KLHL14: variants seen among roughly 807,000 people sequenced by gnomAD.
KLHL14 encodes kelch-like protein 14.
Under a neutral mutation model 64.3 loss-of-function variants are expected in KLHL14, and 22 were observed. That is an observed-to-expected ratio of 0.34 (90% CI 0.24 to 0.49). The LOEUF (loss-of-function observed/expected upper bound fraction) is 0.49, where lower values mean the gene tolerates loss of function less well. Among genes scored for constraint, KLHL14 ranks in the 20% least tolerant of loss-of-function variants. KLHL14 has a pLI of 0.99. For missense variants in KLHL14, 661 were observed against 789.0 expected (o/e 0.84, Z 1.94); for synonymous variants, 322 against 333.4 (o/e 0.97, Z 0.37).
At chr18:32,768,051 G>A (rs1360932764) in intron 2 of KLHL14, among the ~76,000 whole-genome samples, 3 of 152,142 alleles carry the variant, frequency 2.0e-5, no homozygotes, top group Admixed American at 1.3e-4. Flanking sequence ...ATCACACTGA[G>A]TTTGCCATTT....
chr18:32,759,327 C>T (rs1329345949), intron 2 of KLHL14, among the ~76,000 whole-genome samples: 4 of 152,090 alleles, frequency 2.6e-5, no homozygotes, highest in Admixed American at 2.0e-4. Context: ...TCAATACTCA[C>T]GTTGTGGAAA....
chr18:32,767,710 A>T (rs112020802), intron 2 of KLHL14, among the ~76,000 whole-genome samples: 1 of 152,172 alleles, frequency 6.6e-6, no homozygotes, highest in African/African-American at 2.4e-5. Flanking sequence ...TTGAAAGTCA[A>T]CTCTTCTAAC....
At chr18:32,719,828 C>T (rs943193460) in intron 3 of KLHL14, among the ~76,000 whole-genome samples, 2 of 152,190 alleles carry the variant, frequency 1.3e-5, no homozygotes, top group Non-Finnish European at 2.9e-5. Flanking sequence ...TCAGAGGTGG[C>T]TCAGGAGTTA....
chr18:32,719,197 C>T (rs2050062739), intron 3 of KLHL14, among the ~76,000 whole-genome samples: 1 of 152,238 alleles, frequency 6.6e-6, no homozygotes, highest in Non-Finnish European at 1.5e-5. Flanking sequence ...ATCCGCCCAC[C>T]TTGGCCTCCC....
At position 32,695,511 on chromosome 18, in the gene KLHL14, C is replaced by T; in HGVS notation, c.1111G>A (p.Glu371Lys). The T allele has an allele frequency of 6.2e-7, 1 of 1,613,134 alleles. No individual in the cohort carries two copies. The highest frequency in any genetic ancestry group is 1.1e-5 in the South Asian group (1 of 91,030). ...NSAHHCVVEV[E>K]NFLFVLGGED... The stretch of plus-strand genomic sequence containing the variant: ...CCACCCAACACGAACAAGAAGTTTT[C>T]CACCTCCACAACGCAGTGGTGGGCA... The change falls in exon 4 of 9, where the codon GAA (glutamate) becomes AAA (lysine). Residue 371 changes from glutamate to lysine, a missense_variant. By Grantham distance (56) the Glu-to-Lys change is moderately conservative. Transcript: ENST00000359358.
At chr18:32,752,798 T>TGAGACGGAGTCTCGC (rs1371481799) in intron 2 of KLHL14, among the ~76,000 whole-genome samples, 1 of 149,516 alleles carries the variant, frequency 6.7e-6, no homozygotes, top group African/African-American at 2.5e-5. Flanking sequence ...TTTTTTTTTT[T>TGAGACGGAGTCTCGC]TTTGAGACGG....
Position 32,677,160 on chromosome 18 carries a change from T to C in KLHL14, c.1746+13A>G. The C allele has an allele frequency of 6.2e-7, 1 of 1,606,048 alleles. No homozygotes were observed. On this transcript the variant is annotated intron_variant, in intron 8 of 8. Transcript: ENST00000359358. The stretch of plus-strand genomic sequence containing the variant: ...ACGAAATAAAGGAGGATGCAGTAAA[T>C]GTGGACACATACCATACTCCAGCTG...
At position 32,770,666 on chromosome 18, in the gene KLHL14, G is replaced by T; in HGVS notation, c.-43-32C>A. 8.3e-7 allele frequency: 1 copy of T among 1,208,594 alleles called. No homozygotes were observed. Among genetic ancestry groups the T allele is most frequent in the Non-Finnish European group, 1.1e-6 (1 of 905,426 alleles). The allele number at this position is 1,208,594 out of a possible 1,614,324, so 74.9% of individuals were successfully genotyped here. A position where few individuals can be genotyped will look rare whatever the true frequency, so the allele number is the denominator to read the frequency against. On this transcript the variant is annotated intron_variant, in intron 1 of 8. Coordinates refer to ENST00000359358, the MANE Select transcript of KLHL14 (RefSeq NM_020805.3). This position sits in a 1 kb window ranked among gnomAD's most constrained non-coding sequence, Gnocchi z 6.7. ...GACAGGGGTGGGGGATGGGAGGGAG[G>T]GGAGCAGGGTGGTGGAGCGGGTGGG...
In KLHL14 at chr18:32,741,820, CAAATCAATAA is replaced by C. The variant is rs2050199933; in HGVS notation, c.1069+98_1069+107del. 3 of 1,258,036 alleles carry C rather than the reference CAAATCAATAA, an allele frequency of 2.4e-6. No individual in the cohort carries two copies. In the African/African-American group the frequency reaches 4.6e-5, roughly 19 times the overall value. The allele number at this position is 1,258,036 out of a possible 1,614,324, so 77.9% of individuals were successfully genotyped here. A position where few individuals can be genotyped will look rare whatever the true frequency, so the allele number is the denominator to read the frequency against. On this transcript the variant is annotated intron_variant, in intron 3 of 8. Coordinates refer to ENST00000359358, the MANE Select transcript of KLHL14 (RefSeq NM_020805.3). The stretch of plus-strand genomic sequence containing the variant: ...ACATAAACAAACCTCCAAAGGGGAA[CAAATCAATAA>C]AATGTCTAATTTGATTAACCATGTT...
In KLHL14 at chr18:32,770,841, C is replaced by A. The variant is rs953572617; in HGVS notation, c.-43-207G>T. The A allele has an allele frequency of 2.1e-5, 10 of 486,294 alleles. No homozygotes were observed. The highest frequency in any genetic ancestry group is 1.6e-4 in the African/African-American group (8 of 50,010). The allele number at this position is 486,294 out of a possible 1,614,324, so 30.1% of individuals were successfully genotyped here. On this transcript the variant is annotated intron_variant, in intron 1 of 8. Transcript: ENST00000359358. This position sits in a 1 kb window ranked among gnomAD's most constrained non-coding sequence, Gnocchi z 6.7. ...GGATCCGTGAGCGCCACCAGAAGGGCCCTGTCTGGGGTCCCGGCGCCGGTT... is the reference window on the plus strand; with the variant it reads ...GGATCCGTGAGCGCCACCAGAAGGGACCTGTCTGGGGTCCCGGCGCCGGTT...
intron 3 of KLHL14, among the ~76,000 whole-genome samples, chr18:32,734,703 G>A (rs1462460737): frequency 1.3e-5 from 2 of 152,158 alleles, no homozygotes; most frequent in Non-Finnish European, 2.9e-5. Context: ...TCCTGAGCCT[G>A]GACATTTATG....
chr18:32,708,614 A>C (rs538187138), intron 3 of KLHL14, among the ~76,000 whole-genome samples: 1 of 152,262 alleles, frequency 6.6e-6, no homozygotes, highest in East Asian at 1.9e-4. Context: ...CTTCTAGAGC[A>C]CCCCACTACC....
intron 3 of KLHL14, among the ~76,000 whole-genome samples, chr18:32,709,694 T>G (rs1432978921): frequency 6.6e-6 from 1 of 152,176 alleles, no homozygotes; most frequent in African/African-American, 2.4e-5. Context: ...AGTGATTTAT[T>G]TCTATGCTAG....
rs568419618 is a variant in KLHL14 at position 32,702,471 on chromosome 18, T to C, written c.1070-6919A>G. On this transcript the variant is annotated intron_variant, in intron 3 of 8. Coordinates refer to ENST00000359358, the MANE Select transcript of KLHL14 (RefSeq NM_020805.3). ...TTCAGCAAAGATCTAGCAAGCTGGCTAATGCATTTCTGGAGATAGAAACAG... is the reference window on the plus strand; with the variant it reads ...TTCAGCAAAGATCTAGCAAGCTGGCCAATGCATTTCTGGAGATAGAAACAG... Among the ~76,000 whole-genome samples, 9 of 152,116 alleles carry C rather than the reference T, an allele frequency of 5.9e-5. No individual in the cohort carries two copies. The East Asian group carries it at 1.5e-3, about 26-fold the overall frequency.
At chr18:32,763,452 C>G (rs985864591) in intron 2 of KLHL14, among the ~76,000 whole-genome samples, 1 of 152,108 alleles carries the variant, frequency 6.6e-6, no homozygotes, top group Non-Finnish European at 1.5e-5. Flanking sequence ...CCAATATATA[C>G]TCATAATGGC....
At chr18:32,742,890 G>C (rs1330678547) in intron 2 of KLHL14, 1 of 152,284 alleles carries the variant, frequency 6.6e-6, no homozygotes. Context: ...CACCCATCAA[G>C]AGCTGGCAAT....
chr18:32,751,457 G>A (rs2050251273), intron 2 of KLHL14, among the ~76,000 whole-genome samples: 1 of 152,148 alleles, frequency 6.6e-6, no homozygotes, highest in Non-Finnish European at 1.5e-5. Context: ...AGGGGCTTAG[G>A]CAGCTTTTCC....
chr18:32,704,267 G>A (rs2049979643), intron 3 of KLHL14, among the ~76,000 whole-genome samples: 1 of 152,108 alleles, frequency 6.6e-6, no homozygotes, highest in Non-Finnish European at 1.5e-5. Context: ...CCCCATAGTT[G>A]ACCCAAGTTA....
Position 32,770,870 on chromosome 18 carries a change from C to T in KLHL14, c.-43-236G>A, listed in dbSNP as rs1208272907. 4.2e-6 allele frequency: 2 copies of T among 473,738 alleles called. No individual in the cohort carries two copies. The highest frequency in any genetic ancestry group is 7.6e-6 in the Non-Finnish European group (2 of 262,390). 29.3% of individuals were successfully genotyped at this position (473,738 alleles called of 1,614,324 possible). A position where few individuals can be genotyped will look rare whatever the true frequency, so the allele number is the denominator to read the frequency against. On this transcript the variant is annotated intron_variant, in intron 1 of 8. Coordinates refer to ENST00000359358, the MANE Select transcript of KLHL14 (RefSeq NM_020805.3). The surrounding 1 kb of genome is among the most constrained non-coding windows in gnomAD (Gnocchi z 6.7). ...GTCTGGGGTCCCGGCGCCGGTTCTG[C>T]GCCCTGCGGCTCCTCTCGCCACCTC...
Sources: gnomAD v4.1 joint callset for allele counts (sites outside exome capture counted in the v4.1 genomes callset) on GRCh38, gnomAD v4.1.1 for gene constraint, Gnocchi (gnomAD v3.1) non-coding constraint, MANE v1.5 for transcripts, NCBI Gene and HGNC (gene_info 2026-07-23, HGNC 2026-07-21) for gene names.